The following RTL4 variants were observed in gnomAD, a reference collection of about 807,000 sequenced individuals.
The protein encoded by RTL4 is retrotransposon Gag like 4.
Under a neutral mutation model 5.3 loss-of-function variants are expected in RTL4, and 4 were observed. The observed-to-expected ratio is 0.75, with a 90% CI of 0.37 to 1.72. The LOEUF (loss-of-function observed/expected upper bound fraction) is 1.72. Among genes scored for constraint, RTL4 ranks in the 40% most tolerant of loss-of-function variants. RTL4 has a pLI of 0.04. For synonymous variants in RTL4, 98 were observed against 87.3 expected, an observed-to-expected ratio of 1.12 and a Z score of -0.68; for missense variants, 260 against 227.1, an observed-to-expected ratio of 1.14 and a Z score of -0.93.
At chrX:112,327,588 T>C in the RTL4 span, among the ~76,000 whole-genome samples, 2 of 109,505 alleles carry the variant, frequency 1.8e-5, no homozygotes, top group Admixed American at 2.0e-4. Context: ...CTCTGCAGGA[T>C]ATTATCCAGG....
chrX:112,184,768 G>T, the RTL4 span, among the ~76,000 whole-genome samples: 15 of 112,041 alleles, frequency 1.3e-4, no homozygotes, highest in African/African-American at 4.2e-4. Flanking sequence ...ATCTTGGTAA[G>T]AAAAATGGTG....
chrX:112,439,776 CCT>C, the RTL4 span, among the ~76,000 whole-genome samples: 3 of 110,762 alleles, frequency 2.7e-5, no homozygotes, highest in African/African-American at 9.9e-5. Context: ...GCACCTCTGT[CCT>C]CTCTCTCTTG....
At chrX:112,258,028 A>G in the RTL4 span, among the ~76,000 whole-genome samples, 1 of 108,780 alleles carries the variant, frequency 9.2e-6, no homozygotes, top group East Asian at 2.9e-4. Flanking sequence ...GAGGGGGTGG[A>G]TTTTCAAATA....
the RTL4 span, among the ~76,000 whole-genome samples, chrX:112,362,986 T>C: frequency 9.0e-6 from 1 of 111,135 alleles, no homozygotes; most frequent in East Asian, 2.9e-4. Flanking sequence ...CAAAGTGTGC[T>C]CTGCGAGCAG....
chrX:112,228,918 C>T, the RTL4 span, among the ~76,000 whole-genome samples: 1 of 111,950 alleles, frequency 8.9e-6, no homozygotes, highest in African/African-American at 3.2e-5. Flanking sequence ...TTACTAAAAC[C>T]AAGCAACTGC....
At chrX:112,291,672 T>C in the RTL4 span, among the ~76,000 whole-genome samples, 3 of 109,810 alleles carry the variant, frequency 2.7e-5, no homozygotes, top group African/African-American at 1.0e-4. Context: ...TCTCCACTCA[T>C]TGCAAGCTCT....
At chrX:112,153,563 C>T in the RTL4 span, among the ~76,000 whole-genome samples, 2 of 111,872 alleles carry the variant, frequency 1.8e-5, no homozygotes, top group East Asian at 5.6e-4. Context: ...TATGCATCCA[C>T]GATCCAAACA....
the RTL4 span, among the ~76,000 whole-genome samples, chrX:112,426,846 T>C: frequency 9.0e-6 from 1 of 111,088 alleles, no homozygotes; most frequent in Admixed American, 9.6e-5. Flanking sequence ...ACCTACATGT[T>C]CTGCACTTGC....
At chrX:112,350,474 G>A in the RTL4 span, among the ~76,000 whole-genome samples, 1 of 109,910 alleles carries the variant, frequency 9.1e-6, no homozygotes, top group South Asian at 3.9e-4. Flanking sequence ...GTAGAATTCG[G>A]CTGTGAATCC....
chrX:112,330,322 C>A, the RTL4 span, among the ~76,000 whole-genome samples: 1 of 101,293 alleles, frequency 9.9e-6, no homozygotes, highest in African/African-American at 4.0e-5. Context: ...TCTCAGGATA[C>A]AAAATCAATG....
At chrX:112,225,400 TG>T in the RTL4 span, among the ~76,000 whole-genome samples, 1 of 112,251 alleles carries the variant, frequency 8.9e-6, no homozygotes, top group Non-Finnish European at 1.9e-5. Context: ...TTGTGCTTTT[TG>T]TTGCCAACTT....
At chrX:112,135,086 A>C in the RTL4 span, among the ~76,000 whole-genome samples, 9 of 112,390 alleles carry the variant, frequency 8.0e-5, no homozygotes, top group South Asian at 2.6e-3. Context: ...TGACTAAATC[A>C]TATGTGTATG....
chrX:112,260,792 A>G, the RTL4 span, among the ~76,000 whole-genome samples: 972 of 111,666 alleles, frequency 8.7e-3, 15 homozygotes, highest in African/African-American at 0.029. Flanking sequence ...CTTGTGCTGA[A>G]TCTAAGCACA....
the RTL4 span, among the ~76,000 whole-genome samples, chrX:112,310,638 T>A: frequency 1.6e-5 from 1 of 62,846 alleles, no homozygotes; most frequent in Non-Finnish European, 2.6e-5. Flanking sequence ...TGTTTATATA[T>A]TATATATATT....
the RTL4 span, among the ~76,000 whole-genome samples, chrX:112,212,391 T>A: frequency 9.0e-6 from 1 of 111,483 alleles, no homozygotes; most frequent in Admixed American, 9.4e-5. Context: ...AAAAATAAAA[T>A]AAAAAATAAA....
chrX:112,356,626 T>C, the RTL4 span, among the ~76,000 whole-genome samples: 3 of 109,794 alleles, frequency 2.7e-5, no homozygotes, highest in African/African-American at 1.0e-4. Context: ...TGATCTCTTC[T>C]TTGAGTATTT....
the RTL4 span, among the ~76,000 whole-genome samples, chrX:112,217,075 C>T: frequency 9.0e-6 from 1 of 111,286 alleles, no homozygotes. Flanking sequence ...GTTGATGCTA[C>T]CATAGGTGAA....
At chrX:112,309,407 G>T in the RTL4 span, among the ~76,000 whole-genome samples, 2 of 111,083 alleles carry the variant, frequency 1.8e-5, no homozygotes, top group Non-Finnish European at 3.8e-5. Context: ...CCATCATATT[G>T]GAGGTTAGGG....
chrX:112,437,165 T>C, the RTL4 span, among the ~76,000 whole-genome samples: 4 of 111,484 alleles, frequency 3.6e-5, no homozygotes, highest in African/African-American at 9.8e-5. Context: ...AGACAATAGA[T>C]GGAAAAGATG....
Sources: allele counts gnomAD v4.1 joint callset (sites outside exome capture counted in the v4.1 genomes callset), GRCh38; gene constraint gnomAD v4.1.1; transcripts MANE v1.5; gene names NCBI Gene and HGNC (gene_info 2026-07-23, HGNC 2026-07-21).